Variants in CADM2 observed in about 807,000 individuals in gnomAD.
CADM2 encodes the protein cell adhesion molecule 2, also known as immunoglobulin superfamily member 4D.
In CADM2, 12 loss-of-function variants were observed where a neutral mutation model predicts 49.8. The observed-to-expected ratio is 0.24, with a 90% CI of 0.15 to 0.39. The LOEUF (loss-of-function observed/expected upper bound fraction) is 0.39, where lower values mean the gene tolerates loss of function less well. Ranked by LOEUF, CADM2 falls within the 10% of genes least tolerant of loss-of-function variation. The pLI is 1.00. For missense variants in CADM2, 378 were observed against 492.3 expected (o/e 0.77, Z 2.20); for synonymous variants, 214 against 175.4 (o/e 1.22, Z -1.74).
chr3:85,911,352 T>A (rs1480679337), intron 5 of CADM2, among the ~76,000 whole-genome samples: 5 of 152,100 alleles, frequency 3.3e-5, no homozygotes, highest in Non-Finnish European at 7.4e-5. Context: ...GAACAAATAG[T>A]CCCTTAGTGC....
chr3:85,036,548 T>TA (rs1290411732), intron 1 of CADM2, among the ~76,000 whole-genome samples: 1 of 131,424 alleles, frequency 7.6e-6, no homozygotes, highest in East Asian at 2.8e-4. Context: ...CTAAAAGCCA[T>TA]TTGGGTTCTC....
chr3:85,574,403 G>A (rs2062570799), intron 1 of CADM2, among the ~76,000 whole-genome samples: 1 of 152,334 alleles, frequency 6.6e-6, no homozygotes, highest in East Asian at 1.9e-4. Flanking sequence ...TGCTTTGCCT[G>A]TAGCAACTTG....
chr3:85,342,173 A>C (rs1236535298), intron 1 of CADM2, among the ~76,000 whole-genome samples: 1 of 152,136 alleles, frequency 6.6e-6, no homozygotes, highest in African/African-American at 2.4e-5. Flanking sequence ...CTAGAAAAAA[A>C]CAAACAACCC....
chr3:85,930,934 A>T (rs892016100), intron 6 of CADM2, among the ~76,000 whole-genome samples: 1 of 149,756 alleles, frequency 6.7e-6, no homozygotes, highest in Non-Finnish European at 1.5e-5. Context: ...CTTAATAATT[A>T]AATGTTAATT....
At chr3:85,638,224 A>G (rs1044149485) in intron 1 of CADM2, among the ~76,000 whole-genome samples, 7 of 152,326 alleles carry the variant, frequency 4.6e-5, no homozygotes, top group African/African-American at 1.4e-4. Flanking sequence ...AGGGAAAGCT[A>G]TAATTTAAAC....
intron 5 of CADM2, among the ~76,000 whole-genome samples, chr3:85,905,087 T>C (rs1439362769): frequency 6.6e-6 from 1 of 152,164 alleles, no homozygotes; most frequent in Non-Finnish European, 1.5e-5. Flanking sequence ...AGTTTTTTTC[T>C]CTTTAGTGAT....
At chr3:85,888,720 G>A (rs1402724786) in intron 5 of CADM2, among the ~76,000 whole-genome samples, 1 of 152,146 alleles carries the variant, frequency 6.6e-6, no homozygotes, top group East Asian at 1.9e-4. Flanking sequence ...ATTTTTGTAA[G>A]TGTATATGTA....
chr3:85,688,981 T>A (rs912455946), intron 1 of CADM2, among the ~76,000 whole-genome samples: 1 of 152,242 alleles, frequency 6.6e-6, no homozygotes, highest in Non-Finnish European at 1.5e-5. Context: ...AAGACTTTGA[T>A]GTGAATGTTC....
intron 1 of CADM2, among the ~76,000 whole-genome samples, chr3:85,394,722 A>G (rs1162214296): frequency 6.6e-6 from 1 of 152,186 alleles, no homozygotes. Flanking sequence ...TATTTATCAG[A>G]TCATTCTTTA....
intron 1 of CADM2, among the ~76,000 whole-genome samples, chr3:84,972,568 A>G (rs1437281318): frequency 6.6e-6 from 1 of 152,208 alleles, no homozygotes; most frequent in Admixed American, 6.5e-5. Context: ...ATAAATTAGG[A>G]AATTGATTCC....
intron 1 of CADM2, among the ~76,000 whole-genome samples, chr3:85,348,889 AT>A (rs1426682142): frequency 2.6e-5 from 4 of 152,242 alleles, no homozygotes; most frequent in South Asian, 4.1e-4. Context: ...AAAATAATTT[AT>A]TTTTTCATAT....
At chr3:85,241,572 A>G (rs1046469024) in intron 1 of CADM2, among the ~76,000 whole-genome samples, 3 of 151,558 alleles carry the variant, frequency 2.0e-5, no homozygotes, top group Non-Finnish European at 4.4e-5. Context: ...AAAAAAAATC[A>G]TAGTCAGTTT....
intron 5 of CADM2, among the ~76,000 whole-genome samples, 154 bp from the exon 6 acceptor site, chr3:85,912,219 A>C (rs1245863233): frequency 6.6e-6 from 1 of 152,164 alleles, no homozygotes; most frequent in Non-Finnish European, 1.5e-5. Flanking sequence ...AATTTTATTT[A>C]ATTGAATTGA....
At chr3:85,526,960 T>C (rs1005590569) in intron 1 of CADM2, among the ~76,000 whole-genome samples, 3 of 152,222 alleles carry the variant, frequency 2.0e-5, no homozygotes, top group African/African-American at 7.2e-5. Context: ...TTAACGCTCT[T>C]TCTGCAGGGA....
Position 85,359,666 on chromosome 3 carries a change from A to ATATTTTTTTTTTTT in CADM2, c.62-366855_62-366854insATTTTTTTTTTTTT. Among the ~76,000 whole-genome samples, 109 of 26,520 alleles carry ATATTTTTTTTTTTT rather than the reference A, an allele frequency of 4.1e-3. 7 individuals are homozygous for ATATTTTTTTTTTTT. The highest frequency in any genetic ancestry group is 0.018 in the Admixed American group (31 of 1,726). The allele number at this position is 26,520 out of a possible 152,430, so 17.4% of individuals were successfully genotyped here. ...TATATATATATATATATATATATAT[A>ATATTTTTTTTTTTT]TTTTTTTTTTTGGTGGAGGGGAGAA... is the stretch of plus-strand genomic sequence containing the variant. On this transcript the variant is annotated intron_variant, in intron 1 of 9. Transcript: ENST00000383699.
At position 85,720,242 on chromosome 3, in the gene CADM2, G is replaced by A. The variant is rs150347695; in HGVS notation, c.62-6280G>A. ...CCCCTGTATTTGTTGGACTTTGGAA[G>A]TTCAATGTAGAGACATAGTGCTATC... On this transcript the variant is annotated intron_variant, in intron 1 of 9. Transcript: ENST00000383699. Among the ~76,000 whole-genome samples, 261 of 152,210 alleles carry A rather than the reference G, an allele frequency of 1.7e-3. 1 individual carries two copies. The highest frequency in any genetic ancestry group is 5.8e-3 in the African/African-American group (243 of 41,552).
intron 1 of CADM2, among the ~76,000 whole-genome samples, chr3:85,648,773 C>A (rs1003906402): frequency 6.6e-6 from 1 of 151,986 alleles, no homozygotes; most frequent in Non-Finnish European, 1.5e-5. Context: ...GCGTTAACAT[C>A]TTTTCTTTGG....
chr3:85,652,999 T>A (rs2065098357), intron 1 of CADM2, among the ~76,000 whole-genome samples: 1 of 151,576 alleles, frequency 6.6e-6, no homozygotes, highest in South Asian at 2.1e-4. Context: ...GGTCTCCAAC[T>A]CCTGACCTCA....
chr3:85,880,249 C>T (rs937887464), intron 3 of CADM2, among the ~76,000 whole-genome samples: 2 of 152,138 alleles, frequency 1.3e-5, no homozygotes, highest in African/African-American at 4.8e-5. Context: ...CACTAGGTAT[C>T]TTTGCCCTAT....
Sources: gnomAD v4.1 joint callset for allele counts (sites outside exome capture counted in the v4.1 genomes callset) on GRCh38, gnomAD v4.1.1 for gene constraint, MANE v1.5 for transcripts, NCBI Gene and HGNC (gene_info 2026-07-23, HGNC 2026-07-21) for gene names.